TES: variants seen among roughly 807,000 people sequenced by gnomAD.
TES encodes testin LIM domain protein, also known as testin.
Under a neutral mutation model 48.2 loss-of-function variants are expected in TES, and 41 were observed. The ratio of observed to expected loss-of-function variants is 0.85; its 90% CI spans 0.66 to 1.10. The LOEUF (loss-of-function observed/expected upper bound fraction) is 1.10. Among genes scored for constraint, TES ranks in the 50% least tolerant of loss-of-function variants. The pLI is 0.00. For missense variants in TES, 463 were observed against 515.1 expected, an observed-to-expected ratio of 0.90 and a Z score of 0.98; for synonymous variants, 162 against 174.9, an observed-to-expected ratio of 0.93 and a Z score of 0.58.
At chr7:116,236,827 C>T (rs1166832018) in intron 2 of TES, among the ~76,000 whole-genome samples, 2 of 152,172 alleles carry the variant, frequency 1.3e-5, no homozygotes, top group Non-Finnish European at 2.9e-5. Context: ...CACACAGACT[C>T]ATTTAATCAA....
At chr7:116,215,888 C>G (rs1032598710) in intron 1 of TES, among the ~76,000 whole-genome samples, 8 of 152,014 alleles carry the variant, frequency 5.3e-5, no homozygotes, top group Non-Finnish European at 1.2e-4. Context: ...TAAAAAGAAA[C>G]AAAAAACAAA....
At chr7:116,232,345 A>G (rs760069155) in intron 1 of TES, among the ~76,000 whole-genome samples, 1 of 152,178 alleles carries the variant, frequency 6.6e-6, no homozygotes, top group African/African-American at 2.4e-5. Context: ...AATTTATTCC[A>G]TGTTGTGAAT....
At chr7:116,221,572 A>T (rs1799557899) in intron 1 of TES, among the ~76,000 whole-genome samples, 2 of 152,110 alleles carry the variant, frequency 1.3e-5, no homozygotes, top group Non-Finnish European at 2.9e-5. Context: ...GCTTGCTTCT[A>T]TTGCTCTGTT....
At chr7:116,231,743 G>T (rs1403283057) in intron 1 of TES, among the ~76,000 whole-genome samples, 1 of 152,176 alleles carries the variant, frequency 6.6e-6, no homozygotes, top group African/African-American at 2.4e-5. Context: ...AGAGAGAATA[G>T]ATTGTCAATG....
At chr7:116,212,507 G>A (rs1257972411) in intron 1 of TES, among the ~76,000 whole-genome samples, 1 of 152,122 alleles carries the variant, frequency 6.6e-6, no homozygotes, top group Non-Finnish European at 1.5e-5. Context: ...AAGGCATGGG[G>A]GAGGTACATG....
chr7:116,240,327 T>A (rs956493244), intron 2 of TES, among the ~76,000 whole-genome samples: 2 of 152,158 alleles, frequency 1.3e-5, no homozygotes, highest in Admixed American at 1.3e-4. Flanking sequence ...TACAAAAAAA[T>A]TTCTTTTGGG....
intron 1 of TES, among the ~76,000 whole-genome samples, chr7:116,229,490 A>G (rs182166681): frequency 6.6e-6 from 1 of 152,278 alleles, no homozygotes; most frequent in African/African-American, 2.4e-5. Flanking sequence ...AAGCCCTTAG[A>G]GTAGATGGGG....
At chr7:116,244,024 GCC>G (rs1189325249) in intron 2 of TES, 1 of 151,932 alleles carries the variant, frequency 6.6e-6, no homozygotes, top group African/African-American at 2.4e-5. Flanking sequence ...AGGGTAACAG[GCC>G]CCATGATTCA....
At chr7:116,223,195 G>T (rs1799577982) in intron 1 of TES, among the ~76,000 whole-genome samples, 2 of 152,012 alleles carry the variant, frequency 1.3e-5, no homozygotes, top group African/African-American at 4.8e-5. Context: ...TAAAAGGGGG[G>T]CCTAAATTTC....
chr7:116,215,308 A>G (rs1176281664), intron 1 of TES, among the ~76,000 whole-genome samples: 5 of 152,192 alleles, frequency 3.3e-5, no homozygotes, highest in Non-Finnish European at 4.4e-5. Flanking sequence ...GAGAAATAAA[A>G]TAAGGTACAT....
chr7:116,227,197 A>T (rs980450017), intron 1 of TES, among the ~76,000 whole-genome samples: 1 of 151,400 alleles, frequency 6.6e-6, no homozygotes, highest in Non-Finnish European at 1.5e-5. Flanking sequence ...GCTCACTGCA[A>T]CCTCTGTCCC....
chr7:116,249,355 C>A, intron 3 of TES, 83 bp downstream of exon 3: 1 of 1,468,924 alleles, frequency 6.8e-7, no homozygotes, highest in Non-Finnish European at 9.4e-7. Flanking sequence ...ACCTAATCAA[C>A]TTCACACATC....
At chr7:116,252,824 C>T (rs1800038555) in intron 6 of TES, 1 of 292,444 alleles carries the variant, frequency 3.4e-6, no homozygotes, top group Non-Finnish European at 6.7e-6. Context: ...TATTGATATT[C>T]TTTAGCTCTA....
At chr7:116,233,954 A>G (rs1048127511) in intron 1 of TES, among the ~76,000 whole-genome samples, 5 of 152,224 alleles carry the variant, frequency 3.3e-5, no homozygotes, top group Non-Finnish European at 5.9e-5. Flanking sequence ...TAATCATTTC[A>G]TAAAGGCCCA....
At chr7:116,229,523 C>G (rs1344649290) in intron 1 of TES, among the ~76,000 whole-genome samples, 1 of 152,058 alleles carries the variant, frequency 6.6e-6, no homozygotes, top group East Asian at 1.9e-4. Context: ...GAACTGAAAC[C>G]AAGAGGAGTT....
At chr7:116,231,645 C>G (rs1234428067) in intron 1 of TES, among the ~76,000 whole-genome samples, 1 of 151,856 alleles carries the variant, frequency 6.6e-6, no homozygotes, top group East Asian at 1.9e-4. Context: ...ACCTGAAATC[C>G]AAAAAAAGGA....
intron 2 of TES, chr7:116,243,840 A>T (rs1452312600): frequency 6.6e-6 from 1 of 152,232 alleles, no homozygotes; most frequent in Non-Finnish European, 1.5e-5. Flanking sequence ...TAATTGACTC[A>T]CAGTTCAGCA....
intron 1 of TES, among the ~76,000 whole-genome samples, chr7:116,231,703 T>C (rs1175098920): frequency 6.6e-6 from 1 of 152,194 alleles, no homozygotes; most frequent in Non-Finnish European, 1.5e-5. Context: ...GGTTTTATCA[T>C]GTAGATGAAG....
chr7:116,250,478 G>A lies in TES; in HGVS notation c.684G>A (p.Glu228=), dbSNP rs534932145. ...GGGCCATGGAGGACAAATCTGCTGA[G>A]CACAAAAGAACTCAATATGTAAGTA... ...AVGAMEDKSA[E]HKRTQYSCYC... Residue 228 remains glutamate, a synonymous_variant, in exon 4 of 7, where the codon GAG becomes GAA. Coordinates refer to ENST00000358204, the MANE Select transcript of TES (RefSeq NM_015641.4). The A allele has an allele frequency of 8.4e-6, 13 of 1,551,936 alleles. 1 individual carries two copies. The African/African-American group carries it at 1.2e-4, about 15-fold the overall frequency.
Sources: gnomAD v4.1 joint callset for allele counts (sites outside exome capture counted in the v4.1 genomes callset) on GRCh38, gnomAD v4.1.1 for gene constraint, MANE v1.5 for transcripts, NCBI Gene and HGNC (gene_info 2026-07-23, HGNC 2026-07-21) for gene names.